Variants in STIM2 observed in about 807,000 individuals in gnomAD.
The protein encoded by STIM2 is stromal interaction molecule 2.
STIM2 carries 31 observed loss-of-function variants against 85.8 expected under a neutral mutation model. That is an observed-to-expected ratio of 0.36 (90% CI 0.27 to 0.49). The LOEUF is 0.49. STIM2 is among the 20% of genes least tolerant of loss of function. The pLI is 0.98. For missense variants in STIM2, 841 were observed against 927.6 expected, an observed-to-expected ratio of 0.91 and a Z score of 1.21; for synonymous variants, 356 against 331.1, an observed-to-expected ratio of 1.08 and a Z score of -0.82.
At chr4:26,994,389 C>G (rs1227493995) in intron 3 of STIM2, among the ~76,000 whole-genome samples, 2 of 152,054 alleles carry the variant, frequency 1.3e-5, no homozygotes, top group African/African-American at 2.4e-5. Context: ...ATCAGCGCAT[C>G]TTAATAGCAT....
chr4:26,947,550 G>A (rs1725879257), intron 2 of STIM2, among the ~76,000 whole-genome samples: 1 of 152,004 alleles, frequency 6.6e-6, no homozygotes, highest in South Asian at 2.1e-4. Context: ...TGGAGGAGGG[G>A]GCTGAGGCCA....
chr4:26,914,580 T>C (rs1724463364), intron 1 of STIM2, among the ~76,000 whole-genome samples: 1 of 152,228 alleles, frequency 6.6e-6, no homozygotes, highest in Non-Finnish European at 1.5e-5. Flanking sequence ...GACTCTGGCA[T>C]TTAGATATTT....
chr4:26,876,412 T>C (rs571751776), intron 1 of STIM2, among the ~76,000 whole-genome samples: 1 of 152,302 alleles, frequency 6.6e-6, no homozygotes, highest in Non-Finnish European at 1.5e-5. Flanking sequence ...AGGTTTCCTT[T>C]AACTCAGGGT....
intron 3 of STIM2, among the ~76,000 whole-genome samples, chr4:26,990,513 A>G (rs1339053655): frequency 2.0e-5 from 3 of 152,146 alleles, no homozygotes; most frequent in Non-Finnish European, 4.4e-5. Context: ...GAAAGGCTTC[A>G]GGACATTAGG....
intron 3 of STIM2, among the ~76,000 whole-genome samples, chr4:26,965,369 A>G (rs1001900009): frequency 5.9e-5 from 9 of 152,152 alleles, no homozygotes; most frequent in Admixed American, 4.6e-4. Context: ...GTCTCTCTTG[A>G]TTAATTTACA....
intron 2 of STIM2, among the ~76,000 whole-genome samples, chr4:26,923,436 A>C (rs1353792430): frequency 1.3e-5 from 2 of 151,912 alleles, no homozygotes; most frequent in African/African-American, 4.8e-5. Flanking sequence ...AAGCTTCGTA[A>C]GTGAAGGAGA....
chr4:26,911,493 T>C (rs1724337180), intron 1 of STIM2, among the ~76,000 whole-genome samples: 1 of 152,174 alleles, frequency 6.6e-6, no homozygotes, highest in African/African-American at 2.4e-5. Context: ...GTATTTTCTG[T>C]TTAGAATAGT....
chr4:26,870,449 A>G (rs1002763510), intron 1 of STIM2, among the ~76,000 whole-genome samples: 2 of 152,236 alleles, frequency 1.3e-5, no homozygotes, highest in African/African-American at 4.8e-5. Context: ...AAGTTATAAC[A>G]AAATATATGT....
chr4:26,939,280 T>C (rs886619294), intron 2 of STIM2, among the ~76,000 whole-genome samples: 2 of 152,096 alleles, frequency 1.3e-5, no homozygotes, highest in African/African-American at 4.8e-5. Context: ...TTGAGTCTTA[T>C]CTTGAGCTTG....
rs181737158 is a variant in STIM2 at position 26,874,028 on chromosome 4, C to T, written c.151+12659C>T. The stretch of plus-strand genomic sequence containing the variant: ...GGCCTTCACCTGAGTCTCCACCAGC[C>T]ACTTGGTGTCAGGACTCCTGGATTC... On this transcript the variant is annotated intron_variant, in intron 1 of 11. Transcript: ENST00000467087. The T allele has an allele frequency of 2.5e-4, 180 of 712,002 alleles. 2 individuals are homozygous for T. In the East Asian group the frequency reaches 4.8e-3, roughly 19 times the overall value. The allele number at this position is 712,002 out of a possible 1,614,324, so 44.1% of individuals were successfully genotyped here.
intron 1 of STIM2, among the ~76,000 whole-genome samples, chr4:26,882,407 C>T (rs1723045446): frequency 6.6e-6 from 1 of 151,854 alleles, no homozygotes. Context: ...CCTTGTAATT[C>T]TGGTTTTATC....
At chr4:26,921,662 ACTAC>A in intron 2 of STIM2, among the ~76,000 whole-genome samples, 1 of 152,128 alleles carries the variant, frequency 6.6e-6, no homozygotes, top group East Asian at 1.9e-4. Context: ...TCCTTTCCCC[ACTAC>A]CTTTTATCCA....
intron 1 of STIM2, among the ~76,000 whole-genome samples, chr4:26,875,290 A>G (rs1051619928): frequency 3.9e-5 from 6 of 152,208 alleles, no homozygotes; most frequent in Admixed American, 6.5e-5. Flanking sequence ...AGAAATATGC[A>G]CATATGCCGG....
intron 3 of STIM2, among the ~76,000 whole-genome samples, chr4:26,964,112 G>A (rs1457024034): frequency 6.6e-6 from 1 of 152,172 alleles, no homozygotes; most frequent in African/African-American, 2.4e-5. Flanking sequence ...CTGAGTTGGA[G>A]AATACTGGGA....
At chr4:26,954,338 A>G (rs1284073051) in intron 2 of STIM2, among the ~76,000 whole-genome samples, 1 of 126,242 alleles carries the variant, frequency 7.9e-6, no homozygotes, top group African/African-American at 3.5e-5. Flanking sequence ...TTTGCTGAGC[A>G]CTCCCTTATG....
intron 1 of STIM2, among the ~76,000 whole-genome samples, chr4:26,864,963 G>A (rs185284851): frequency 6.6e-6 from 1 of 152,194 alleles, no homozygotes; most frequent in East Asian, 1.9e-4. Flanking sequence ...GTTTGCCTGT[G>A]GGATATATAT....
At chr4:27,021,173 C>A in intron 11 of STIM2, 2 of 1,010,130 alleles carry the variant, frequency 2.0e-6, no homozygotes, top group Non-Finnish European at 2.9e-6. Context: ...AAGTACCTAC[C>A]GTAAACTTGC....
chr4:27,004,015 T>C (rs542963564), intron 7 of STIM2, among the ~76,000 whole-genome samples: 5 of 152,256 alleles, frequency 3.3e-5, no homozygotes, highest in African/African-American at 4.8e-5. Flanking sequence ...GACTCAGTTA[T>C]AAAGCAGGGG....
chr4:27,015,940 G>C (rs986301308), intron 10 of STIM2, among the ~76,000 whole-genome samples: 1 of 150,504 alleles, frequency 6.6e-6, no homozygotes, highest in African/African-American at 2.4e-5. Flanking sequence ...AGAAATATTA[G>C]TGCTAATATT....
Sources: allele counts gnomAD v4.1 joint callset (sites outside exome capture counted in the v4.1 genomes callset), GRCh38; gene constraint gnomAD v4.1.1; transcripts MANE v1.5; gene names NCBI Gene and HGNC (gene_info 2026-07-23, HGNC 2026-07-21).